Variants in GNB5 observed in about 807,000 individuals in gnomAD.
GNB5 encodes G protein subunit beta 5.
In GNB5, 37 loss-of-function variants were observed where a neutral mutation model predicts 55.3. The observed-to-expected ratio is 0.67, with a 90% CI of 0.51 to 0.88. GNB5 has a LOEUF of 0.88. GNB5 is among the 40% of genes least tolerant of loss of function. The pLI, the probability that GNB5 is intolerant of heterozygous loss-of-function variation, is 0.00. For missense variants in GNB5, 476 were observed against 515.3 expected, an observed-to-expected ratio of 0.92 and a Z score of 0.74; for synonymous variants, 219 against 198.5, an observed-to-expected ratio of 1.10 and a Z score of -0.87.
intron 9 of GNB5, among the ~76,000 whole-genome samples, chr15:52,129,359 T>C (rs1053558075): frequency 6.6e-6 from 1 of 151,666 alleles, no homozygotes; most frequent in Non-Finnish European, 1.5e-5. Context: ...CAGCGGGAGG[T>C]GAGAGTCAAA....
At chr15:52,168,664 T>C (rs2034495993) in intron 3 of GNB5, among the ~76,000 whole-genome samples, 2 of 152,122 alleles carry the variant, frequency 1.3e-5, no homozygotes, top group African/African-American at 2.4e-5. Flanking sequence ...ATAGCCAAGA[T>C]AATCCTCAGC....
chr15:52,185,756 A>ATTATTT (rs2034836455), intron 1 of GNB5, among the ~76,000 whole-genome samples: 1 of 92,720 alleles, frequency 1.1e-5, no homozygotes, highest in African/African-American at 7.1e-5. Flanking sequence ...TCATCTTTTT[A>ATTATTT]TTATTATTAT....
chr15:52,128,197 G>A lies in GNB5; in HGVS notation c.911C>T (p.Thr304Met), dbSNP rs202116176. Residue 304 changes from threonine to methionine, a missense_variant and splice_region_variant, in exon 10 of 13, where the codon ACG (threonine) becomes ATG (methionine). Coordinates refer to ENST00000261837, the MANE Select transcript of GNB5 (RefSeq NM_016194.4). ...DAFASGSDDA[T>M]CRLYDLRADR... ...GCTCTCAAAAACTTAGAAACATACCGTAGCGTCATCTGACCCTGAAGCAAA... is the reference window on the plus strand; with the variant it reads ...GCTCTCAAAAACTTAGAAACATACCATAGCGTCATCTGACCCTGAAGCAAA... The A allele has an allele frequency of 8.7e-6, 14 of 1,601,810 alleles. No individual in the cohort carries two copies. Among genetic ancestry groups the A allele is most frequent in the African/African-American group, 1.3e-5 (1 of 74,662 alleles).
At chr15:52,176,604 C>T (rs901754752) in intron 3 of GNB5, among the ~76,000 whole-genome samples, 1 of 152,188 alleles carries the variant, frequency 6.6e-6, no homozygotes, top group African/African-American at 2.4e-5. Flanking sequence ...AATCATCTCT[C>T]GCTCTTCCAC....
rs2033254698 is a variant in GNB5, at chr15:52,121,043, G to A, written c.*1714C>T. ...ACCTGAACAAGCAGTTGTGAGGGTG[G>A]GCCTGGCACACCCCTGGATGTTTAC... On this transcript the variant is annotated 3_prime_UTR_variant, in exon 13 of 13. Coordinates refer to ENST00000261837, the MANE Select transcript of GNB5 (RefSeq NM_016194.4). 6.6e-6 allele frequency: 1 copy of A among 152,234 alleles called. No homozygotes were observed. The highest frequency in any genetic ancestry group is 1.5e-5 in the Non-Finnish European group (1 of 68,064). 9.4% of individuals were successfully genotyped at this position (152,234 alleles called of 1,614,324 possible).
intron 3 of GNB5, among the ~76,000 whole-genome samples, chr15:52,169,046 G>T (rs1046570676): frequency 2.0e-5 from 3 of 152,180 alleles, no homozygotes; most frequent in Non-Finnish European, 2.9e-5. Flanking sequence ...ATACCAGGCC[G>T]GATGTGGGGG....
At chr15:52,149,339 C>A (rs1450754594) in intron 5 of GNB5, 3 of 169,392 alleles carry the variant, frequency 1.8e-5, no homozygotes, top group Non-Finnish European at 3.8e-5. Flanking sequence ...AGCATACCTG[C>A]ACATAGGTTT....
At chr15:52,149,513 G>C in intron 5 of GNB5, 1 of 542,776 alleles carries the variant, frequency 1.8e-6, no homozygotes, top group Non-Finnish European at 3.3e-6. Flanking sequence ...CAGGGCTATG[G>C]AGTCTGGTCA....
intron 11 of GNB5, chr15:52,125,199 G>A (rs2033390974): frequency 6.6e-6 from 1 of 152,454 alleles, no homozygotes; most frequent in African/African-American, 2.4e-5. Context: ...TTCTTTTTTT[G>A]ACATGATCCT....
At chr15:52,165,141 G>A (rs2034425631) in intron 3 of GNB5, among the ~76,000 whole-genome samples, 1 of 151,934 alleles carries the variant, frequency 6.6e-6, no homozygotes, top group Non-Finnish European at 1.5e-5. Context: ...TCTAAAATAA[G>A]GCAAGCAGAC....
At position 52,117,102 on chromosome 15, in the gene GNB5, A is replaced by ATATATATATATATATTTTTTTTT; in HGVS notation, c.*5654_*5655insAAAAAAAAATATATATATATATA. On this transcript the variant is annotated 3_prime_UTR_variant, in exon 13 of 13. Transcript: ENST00000261837. ...CCACGCCCAGCTAATATATATATAT[A>ATATATATATATATATTTTTTTTT]TTTTTTTTTAGTACAGACAGGGTTT... The ATATATATATATATATTTTTTTTT allele has an allele frequency of 4.0e-4, 35 of 87,088 alleles. 3 individuals are homozygous for ATATATATATATATATTTTTTTTT. The highest frequency in any genetic ancestry group is 1.9e-3 in the African/African-American group (31 of 16,436). 5.4% of individuals were successfully genotyped at this position (87,088 alleles called of 1,614,324 possible).
intron 7 of GNB5, chr15:52,137,064 C>A: frequency 2.1e-6 from 1 of 481,242 alleles, no homozygotes; most frequent in Non-Finnish European, 3.9e-6. Context: ...CCTTGCAAGA[C>A]CCACCTTAAA....
At chr15:52,147,333 G>C (rs2049393133) in intron 6 of GNB5, 126 bp downstream of exon 6, 1 of 711,894 alleles carries the variant, frequency 1.4e-6, no homozygotes, top group Non-Finnish European at 2.6e-6. Context: ...GTTCAGGGAA[G>C]GATTTAGCAT....
intron 3 of GNB5, among the ~76,000 whole-genome samples, chr15:52,166,860 T>G (rs906735784): frequency 1.3e-5 from 2 of 151,524 alleles, no homozygotes; most frequent in Non-Finnish European, 2.9e-5. Context: ...GATAGAGACA[T>G]GAAAAACCCT....
At chr15:52,138,178 T>C (rs1470074807) in intron 7 of GNB5, among the ~76,000 whole-genome samples, 1 of 151,302 alleles carries the variant, frequency 6.6e-6, no homozygotes, top group East Asian at 1.9e-4. Context: ...AGGTCAGGAG[T>C]TCAAGACCAG....
At chr15:52,150,910 C>T (rs12593041) in intron 4 of GNB5, among the ~76,000 whole-genome samples, 24,340 of 152,240 alleles carry the variant, frequency 0.16, 2,182 homozygotes, top group Admixed American at 0.28. Flanking sequence ...CTCAAGCCAT[C>T]TGGGGCCAAA....
At chr15:52,142,752 C>T (rs1052656747) in intron 6 of GNB5, among the ~76,000 whole-genome samples, 6 of 152,140 alleles carry the variant, frequency 3.9e-5, no homozygotes, top group African/African-American at 1.4e-4. Context: ...TTCTGAGGCA[C>T]TGGGAAAGCC....
At chr15:52,122,885 T>C (rs2033308383) in intron 12 of GNB5, 117 bp from the exon 13 acceptor site, 1 of 764,066 alleles carries the variant, frequency 1.3e-6, no homozygotes, top group Non-Finnish European at 2.3e-6. Flanking sequence ...CATATATGTG[T>C]GTGTACACAC....
intron 7 of GNB5, chr15:52,140,065 T>A (rs978509397): frequency 4.5e-5 from 37 of 828,224 alleles, no homozygotes; most frequent in Non-Finnish European, 3.2e-5. Context: ...TAGGCTCAAA[T>A]AATAGGTGTA....
Sources: gnomAD v4.1 joint callset for allele counts (sites outside exome capture counted in the v4.1 genomes callset) on GRCh38, gnomAD v4.1.1 for gene constraint, MANE v1.5 for transcripts, NCBI Gene and HGNC (gene_info 2026-07-23, HGNC 2026-07-21) for gene names.